The following L3MBTL2 variants were observed in gnomAD, a reference collection of about 807,000 sequenced individuals.
The protein encoded by L3MBTL2 is L3MBTL histone methyl-lysine binding protein 2.
L3MBTL2 carries 49 observed loss-of-function variants against 86.4 expected under a neutral mutation model. That is an observed-to-expected ratio of 0.57 (90% CI 0.45 to 0.72). The LOEUF (loss-of-function observed/expected upper bound fraction) is 0.72. Among genes scored for constraint, L3MBTL2 ranks in the 30% least tolerant of loss-of-function variants. The pLI is 0.00. For synonymous variants in L3MBTL2, 336 were observed against 350.6 expected, an observed-to-expected ratio of 0.96 and a Z score of 0.47; for missense variants, 755 against 923.7, an observed-to-expected ratio of 0.82 and a Z score of 2.37.
chr22:41,214,081 C>T, intron 3 of L3MBTL2, 55 bp downstream of exon 3: 2 of 1,592,940 alleles, frequency 1.3e-6, no homozygotes, highest in Non-Finnish European at 1.7e-6. Context: ...AGACAGGAAC[C>T]ACCAAGTGAC....
Position 41,219,276 on chromosome 22 carries a change from ATCTCTAGTAGCTGGT to A in L3MBTL2, c.601-139_601-125del. The A allele has an allele frequency of 7.7e-6, 5 of 651,304 alleles. No homozygotes were observed. In the East Asian group the frequency reaches 8.1e-5, roughly 11 times the overall value. 40.3% of individuals were successfully genotyped at this position (651,304 alleles called of 1,614,324 possible). A position where few individuals can be genotyped will look rare whatever the true frequency, so the allele number is the denominator to read the frequency against. ...CAAGGACAGGAGACCTCATCTCTTT[ATCTCTAGTAGCTGGT>A]TCTGCACACAGTGGGTGATGTGAAA... is the stretch of plus-strand genomic sequence containing the variant. On this transcript the variant is annotated intron_variant, in intron 5 of 16. Transcript: ENST00000216237.
rs143208591 is a variant in L3MBTL2, at chr22:41,219,430, T to C, written c.612T>C (p.Tyr204=). 7.5e-6 allele frequency: 12 copies of C among 1,608,528 alleles called. No homozygotes were observed. In the East Asian group the frequency reaches 1.3e-4, roughly 18 times the overall value. ...PVSCFKHVPL[Y]DQWEDVMKGM... ...TCATCGCCACACAGGTCCCACTCTA[T>C]GACCAGTGGGAGGATGTGATGAAAG... Residue 204 remains tyrosine (Y), a synonymous_variant, in exon 6 of 17, where the codon TAT becomes TAC. Coordinates refer to ENST00000216237, the MANE Select transcript of L3MBTL2 (RefSeq NM_031488.5).
intron 6 of L3MBTL2, 142 bp from the exon 7 acceptor site, chr22:41,220,592 A>G: frequency 1.3e-6 from 1 of 763,186 alleles, no homozygotes; most frequent in South Asian, 2.2e-5. Context: ...CTGGAGGTGG[A>G]GCTTGCAGTG....
chr22:41,205,715 T>TA (rs1030352166), intron 1 of L3MBTL2, among the ~76,000 whole-genome samples: 1 of 152,136 alleles, frequency 6.6e-6, no homozygotes, highest in African/African-American at 2.4e-5. Context: ...TGAGGCCTGT[T>TA]ACATGAGGTG....
chr22:41,216,697 G>C (rs1194435123), intron 4 of L3MBTL2, among the ~76,000 whole-genome samples: 1 of 152,180 alleles, frequency 6.6e-6, no homozygotes, highest in Non-Finnish European at 1.5e-5. Flanking sequence ...TCATTGTTCT[G>C]AGTTTCTAAC....
intron 16 of L3MBTL2, 50 bp from the exon 17 acceptor site, chr22:41,230,089 C>CCCCCCCCCCCTTTTTT: frequency 1.1e-6 from 1 of 873,240 alleles, no homozygotes; most frequent in South Asian, 1.6e-5. Flanking sequence ...GCCCCCACCC[C>CCCCCCCCCCCTTTTTT]TCCCAGAGTT....
intron 2 of L3MBTL2, among the ~76,000 whole-genome samples, chr22:41,211,325 T>C (rs1210022870): frequency 6.6e-6 from 1 of 151,842 alleles, no homozygotes; most frequent in African/African-American, 2.4e-5. Context: ...CTCAGCCTCC[T>C]GAGTAGCTGA....
chr22:41,224,259 G>C lies in L3MBTL2; in HGVS notation c.1174+8G>C, dbSNP rs750739803. The C allele has an allele frequency of 6.2e-7, 1 of 1,605,108 alleles. No individual in the cohort carries two copies. The highest frequency in any genetic ancestry group is 8.5e-7 in the Non-Finnish European group (1 of 1,172,906). ...ACGGCATCAAGATGTCAGGTTAGCA[G>C]AGCCCCAGGCCAGAGGGACTGCATG... On this transcript the variant is annotated splice_region_variant and intron_variant, in intron 9 of 16. Transcript: ENST00000216237. This position sits in a 1 kb window ranked among gnomAD's most constrained non-coding sequence, Gnocchi z 4.9.
Position 41,209,922 on chromosome 22 carries a change from G to C in L3MBTL2, c.251G>C (p.Gly84Ala). ...PGTPRSLDGS[G>A]SEPAVCEMCG... ...ACTCCTCGCTCCTTGGATGGCAGTG[G>C]TTCTGAGCCAGGTGCCTTCAGAGTG... The change falls in exon 2 of 17, where the codon GGT becomes GCT. Residue 84 changes from glycine to alanine, a missense_variant. Coordinates refer to ENST00000216237, the MANE Select transcript of L3MBTL2 (RefSeq NM_031488.5). 6.2e-7 allele frequency: 1 copy of C among 1,613,710 alleles called. No individual in the cohort carries two copies. Among genetic ancestry groups the C allele is most frequent in the Non-Finnish European group, 8.5e-7 (1 of 1,179,742 alleles).
Position 41,217,219 on chromosome 22 carries a change from T to TGAGG in L3MBTL2, c.600+26_600+29dup, listed in dbSNP as rs1314269097. On this transcript the variant is annotated intron_variant, in intron 5 of 16. Transcript: ENST00000216237. ...TTCAAGCACGTGAGTGCCCTGGAGC[T>TGAGG]GAGGGAGGGAGGCCGGGGAGCCGGG... The TGAGG allele has an allele frequency of 3.1e-6, 5 of 1,604,678 alleles. No homozygotes were observed. Among genetic ancestry groups the TGAGG allele is most frequent in the African/African-American group, 1.3e-5 (1 of 74,716 alleles).
Position 41,225,044 on chromosome 22 carries a change from C to T in L3MBTL2, c.1329C>T (p.Gly443=). The T allele has an allele frequency of 6.2e-7, 1 of 1,614,022 alleles. No individual in the cohort carries two copies. Among genetic ancestry groups the T allele is most frequent in the South Asian group, 1.1e-5 (1 of 91,080 alleles). ...AGGCCATTGACCCCCTGAATCTGGG[C>T]AACATCTGCGTGGCAACTGTCTGTA... ...KLEAIDPLNL[G]NICVATVCKV... Residue 443 remains glycine (G), a synonymous_variant, in exon 11 of 17, where the codon GGC becomes GGT. Transcript: ENST00000216237. The surrounding 1 kb of genome is among the most constrained non-coding windows in gnomAD (Gnocchi z 4.1).
In L3MBTL2 at chr22:41,229,556, C is replaced by A. The variant is rs368615426; in HGVS notation, c.1905C>A (p.Pro635=). The A allele has an allele frequency of 1.1e-5, 18 of 1,611,554 alleles. No homozygotes were observed. In the African/African-American group the frequency reaches 2.1e-4, roughly 19 times the overall value. ...TATTCAAAGGGAAAAGAATCCCGCC[C>A]ACTAAGACGCGACCCCTCAGACAGG... ...QFGKKRKRIP[P]TKTRPLRQGS... is the part of the protein sequence containing the mutation. Residue 635 remains proline (P), a synonymous_variant, in exon 16 of 17, where the codon CCC becomes CCA. Transcript: ENST00000216237.
Position 41,231,239 on chromosome 22 carries a change from G to A in L3MBTL2, c.*988G>A, listed in dbSNP as rs1008022154. On this transcript the variant is annotated 3_prime_UTR_variant, in exon 17 of 17. Transcript: ENST00000216237. ...AACCTCACTGGGCTCCCCAGACTCT[G>A]TGTGTGAGAAATTAAACCCCCTGCT... is the stretch of plus-strand genomic sequence containing the variant. 1.1e-4 allele frequency: 17 copies of A among 152,198 alleles called. No homozygotes were observed. Among genetic ancestry groups the A allele is most frequent in the African/African-American group, 4.1e-4 (17 of 41,438 alleles). 9.4% of individuals were successfully genotyped at this position (152,198 alleles called of 1,614,324 possible).
intron 2 of L3MBTL2, among the ~76,000 whole-genome samples, chr22:41,213,283 G>A (rs187477948): frequency 1.3e-5 from 2 of 152,176 alleles, no homozygotes; most frequent in Non-Finnish European, 2.9e-5. Context: ...AGAAAATAGA[G>A]CCACAGAGGT....
chr22:41,219,805 G>C (rs1469578567), intron 6 of L3MBTL2, among the ~76,000 whole-genome samples: 4 of 152,036 alleles, frequency 2.6e-5, no homozygotes, highest in Admixed American at 2.6e-4. Context: ...ACGGTGGCAC[G>C]ATCTCGGCTC....
At position 41,225,470 on chromosome 22, in the gene L3MBTL2, T is replaced by C. The variant is rs1473708539; in HGVS notation, c.1357-324T>C. On this transcript the variant is annotated intron_variant, in intron 11 of 16. Coordinates refer to ENST00000216237, the MANE Select transcript of L3MBTL2 (RefSeq NM_031488.5). The surrounding 1 kb of genome is among the most constrained non-coding windows in gnomAD (Gnocchi z 4.1). ...CAGCACCCCCACCCCTCCTTGGCCC[T>C]CCTGGAGGAGGCTGCTGACTCGTCC... Among the ~76,000 whole-genome samples the C allele has an allele frequency of 6.6e-6, 1 of 151,820 alleles. No homozygotes were observed. The highest frequency in any genetic ancestry group is 2.4e-5 in the African/African-American group (1 of 41,288).
chr22:41,228,420 G>A (rs1054713034), intron 15 of L3MBTL2: 5 of 985,342 alleles, frequency 5.1e-6, no homozygotes, highest in African/African-American at 3.5e-5. Context: ...GGTTCCACTT[G>A]AGGGGCAGAG....
At chr22:41,219,375 G>C in intron 5 of L3MBTL2, 44 bp from the exon 6 acceptor site, 1 of 1,453,488 alleles carries the variant, frequency 6.9e-7, no homozygotes, top group Non-Finnish European at 9.7e-7. Context: ...TCCCCTGCTA[G>C]CACAGTTAGC....
chr22:41,205,353 CTG>C lies in L3MBTL2; in HGVS notation c.-9_-8del. On this transcript the variant is annotated 5_prime_UTR_variant, in exon 1 of 17. Coordinates refer to ENST00000216237, the MANE Select transcript of L3MBTL2 (RefSeq NM_031488.5). The stretch of plus-strand genomic sequence containing the variant: ...CTGCACCTGGTGACGCTTGGCGAAA[CTG>C]AGGTCTCATGGAGAAGCCCCGGAGT... 1.2e-6 allele frequency: 2 copies of C among 1,614,210 alleles called. No homozygotes were observed. Among genetic ancestry groups the C allele is most frequent in the Non-Finnish European group, 1.7e-6 (2 of 1,180,048 alleles).
Sources: allele counts gnomAD v4.1 joint callset (sites outside exome capture counted in the v4.1 genomes callset), GRCh38; gene constraint gnomAD v4.1.1; non-coding constraint Gnocchi (gnomAD v3.1); transcripts MANE v1.5; gene names NCBI Gene and HGNC (gene_info 2026-07-23, HGNC 2026-07-21).